ZNF469: variants seen among roughly 807,000 people sequenced by gnomAD.
ZNF469 encodes the protein zinc finger protein 469.
A neutral mutation model predicts 1.0 loss-of-function variants in ZNF469; 1 was observed. That is an observed-to-expected ratio of 1.00 (90% CI 0.35 to 4.73). ZNF469 has a LOEUF of 4.73. ZNF469 is among the 30% of genes most tolerant of loss of function. The pLI, the probability that ZNF469 is intolerant of heterozygous loss-of-function variation, is 0.16. For synonymous variants in ZNF469, 2,703 were observed against 2,363.4 expected, an observed-to-expected ratio of 1.14 and a Z score of -4.17; for missense variants, 6,100 against 5,356.3, an observed-to-expected ratio of 1.14 and a Z score of -4.33.
At chr16:88,395,162 C>T (rs1318630969) in intron 1 of ZNF469, among the ~76,000 whole-genome samples, 1 of 152,138 alleles carries the variant, frequency 6.6e-6, no homozygotes, top group African/African-American at 2.4e-5. Context: ...CTCTTATGGC[C>T]ATGGACAGCC....
At position 88,436,010 on chromosome 16, in the gene ZNF469, A is replaced by G; in HGVS notation, c.8540A>G (p.Lys2847Arg). ...PTPDASGSSA[K>R]DPPSLFDDEV... ...CCTGATGCCTCTGGCTCCAGTGCCAAGGATCCTCCAAGCTTGTTTGATGAT... is the reference window on the plus strand; with the variant it reads ...CCTGATGCCTCTGGCTCCAGTGCCAGGGATCCTCCAAGCTTGTTTGATGAT... The change falls in exon 3 of 3, where the codon AAG (lysine) becomes AGG (arginine). Residue 2847 changes from lysine (K) to arginine (R), a missense_variant. Lys to Arg is a conservative substitution (Grantham distance 26). Transcript: ENST00000565624. The G allele has an allele frequency of 6.5e-7, 1 of 1,550,240 alleles. No individual in the cohort carries two copies. Among genetic ancestry groups the G allele is most frequent in the Non-Finnish European group, 8.7e-7 (1 of 1,146,982 alleles).
chr16:88,403,391 A>G (rs1416508383), intron 1 of ZNF469, among the ~76,000 whole-genome samples: 1 of 152,208 alleles, frequency 6.6e-6, no homozygotes, highest in Non-Finnish European at 1.5e-5. Flanking sequence ...TGAAGGGGGC[A>G]AACACAGGAT....
chr16:88,163,947 G>T, the ZNF469 span, among the ~76,000 whole-genome samples: 2 of 151,260 alleles, frequency 1.3e-5, no homozygotes, highest in African/African-American at 4.9e-5. Context: ...TGGCTGGGTG[G>T]GTGGCTGGAT....
the ZNF469 span, among the ~76,000 whole-genome samples, chr16:88,260,312 C>T: frequency 3.3e-5 from 5 of 152,198 alleles, no homozygotes; most frequent in Non-Finnish European, 5.9e-5. The surrounding 1 kb of genome is among the most constrained non-coding windows in gnomAD (Gnocchi z 4.1). Context: ...AAAAAGCATT[C>T]GGCTGAATGA....
the ZNF469 span, among the ~76,000 whole-genome samples, chr16:88,126,092 G>C: frequency 6.8e-6 from 1 of 147,962 alleles, no homozygotes; most frequent in Non-Finnish European, 1.5e-5. Flanking sequence ...AAGAGGCTGA[G>C]ACAGGAGAAT....
chr16:88,400,226 C>T (rs114681183), intron 1 of ZNF469, among the ~76,000 whole-genome samples: 1,525 of 152,338 alleles, frequency 0.01, 30 homozygotes, highest in African/African-American at 0.035. Flanking sequence ...GTTCGAGCTC[C>T]GGTTCTGCCC....
At chr16:88,102,108 C>T in the ZNF469 span, among the ~76,000 whole-genome samples, 6 of 137,118 alleles carry the variant, frequency 4.4e-5, no homozygotes, top group Non-Finnish European at 6.2e-5. Flanking sequence ...AGAAATCTGG[C>T]GTGATCTAAG....
the ZNF469 span, among the ~76,000 whole-genome samples, chr16:88,106,245 G>A: frequency 2.6e-5 from 4 of 152,164 alleles, no homozygotes; most frequent in Admixed American, 2.0e-4. Flanking sequence ...GAACTGTGAC[G>A]GCCCCTCCTC....
intron 1 of ZNF469, among the ~76,000 whole-genome samples, chr16:88,414,743 G>T (rs1263471466): frequency 6.6e-6 from 1 of 152,258 alleles, no homozygotes; most frequent in African/African-American, 2.4e-5. Context: ...AGGGAACAGG[G>T]CTCTTCAGTG....
At chr16:88,284,002 TGTGGAG>T in the ZNF469 span, among the ~76,000 whole-genome samples, 1 of 100,344 alleles carries the variant, frequency 1.0e-5, no homozygotes, top group African/African-American at 4.8e-5. Flanking sequence ...GCCCGAGGTC[TGTGGAG>T]GCTGGTAGAC....
chr16:88,356,388 A>C, the ZNF469 span, among the ~76,000 whole-genome samples: 2 of 152,262 alleles, frequency 1.3e-5, no homozygotes, highest in South Asian at 4.1e-4. Flanking sequence ...GGGAGGGGGC[A>C]GGGCTCCATG....
At chr16:88,247,537 T>G in the ZNF469 span, among the ~76,000 whole-genome samples, 1 of 151,122 alleles carries the variant, frequency 6.6e-6, no homozygotes, top group East Asian at 1.9e-4. Context: ...AGTGAGTGAG[T>G]GAATGAGTGA....
At chr16:88,229,955 C>T in the ZNF469 span, among the ~76,000 whole-genome samples, 1 of 152,162 alleles carries the variant, frequency 6.6e-6, no homozygotes. Context: ...GACTCTGTGC[C>T]ACTCTGGTTG....
At chr16:88,249,987 G>A in the ZNF469 span, among the ~76,000 whole-genome samples, 1 of 152,198 alleles carries the variant, frequency 6.6e-6, no homozygotes, top group South Asian at 2.1e-4. Flanking sequence ...GTTGAAGTTG[G>A]CTCCTCAAGT....
At chr16:88,232,113 A>C in the ZNF469 span, among the ~76,000 whole-genome samples, 37 of 152,290 alleles carry the variant, frequency 2.4e-4, no homozygotes, top group African/African-American at 8.7e-4. Context: ...TCGACCACGC[A>C]AAGGCTGGGC....
intron 1 of ZNF469, among the ~76,000 whole-genome samples, chr16:88,383,605 G>A (rs991280317): frequency 6.6e-6 from 1 of 150,440 alleles, no homozygotes; most frequent in African/African-American, 2.4e-5. Flanking sequence ...CGAGGGGCTC[G>A]GGGAGCGGGA....
chr16:88,258,677 C>T, the ZNF469 span, among the ~76,000 whole-genome samples: 8 of 152,034 alleles, frequency 5.3e-5, no homozygotes, highest in East Asian at 1.9e-4. Flanking sequence ...GTGAGGGTGA[C>T]GATGATGGTG....
At chr16:88,318,196 G>A in the ZNF469 span, among the ~76,000 whole-genome samples, 1 of 152,354 alleles carries the variant, frequency 6.6e-6, no homozygotes, top group South Asian at 2.1e-4. Flanking sequence ...TGGGCTGGAG[G>A]GAGGCCGCTG....
the ZNF469 span, among the ~76,000 whole-genome samples, chr16:88,202,351 G>A: frequency 2.0e-5 from 3 of 152,114 alleles, no homozygotes; most frequent in East Asian, 1.9e-4. Context: ...GCTCAGGACC[G>A]GGGGCTGCTT....
Sources: allele counts gnomAD v4.1 joint callset (sites outside exome capture counted in the v4.1 genomes callset), GRCh38; gene constraint gnomAD v4.1.1; non-coding constraint Gnocchi (gnomAD v3.1); transcripts MANE v1.5; gene names NCBI Gene and HGNC (gene_info 2026-07-23, HGNC 2026-07-21).